Variants in TBC1D5 observed in about 807,000 individuals in gnomAD.
TBC1D5 encodes TBC1 domain family, member 5.
Under a neutral mutation model 100.3 loss-of-function variants are expected in TBC1D5, and 75 were observed. The ratio of observed to expected loss-of-function variants is 0.75; its 90% CI spans 0.62 to 0.91. TBC1D5 has a LOEUF of 0.91. Among genes scored for constraint, TBC1D5 ranks in the 40% least tolerant of loss-of-function variants. TBC1D5 has a pLI of 0.00. For synonymous variants in TBC1D5, 323 were observed against 325.6 expected (o/e 0.99, Z 0.09); for missense variants, 910 against 942.4 (o/e 0.97, Z 0.45).
chr3:17,408,806 T>C (rs905110834), intron 4 of TBC1D5, among the ~76,000 whole-genome samples: 2 of 152,098 alleles, frequency 1.3e-5, no homozygotes, highest in Non-Finnish European at 2.9e-5. Context: ...AGATCTAACA[T>C]TATTTTCTCT....
At chr3:17,508,297 G>A (rs1038019680) in intron 3 of TBC1D5, among the ~76,000 whole-genome samples, 177 bp downstream of exon 3, 4 of 152,194 alleles carry the variant, frequency 2.6e-5, no homozygotes, top group Non-Finnish European at 5.9e-5. Context: ...GTGGCTTGTT[G>A]AAGTATTCAT....
chr3:17,221,961 T>C (rs1222866146), intron 17 of TBC1D5, among the ~76,000 whole-genome samples: 1 of 152,248 alleles, frequency 6.6e-6, no homozygotes, highest in African/African-American at 2.4e-5. Flanking sequence ...TTCTTCTGTA[T>C]CTTCAGTTCT....
intron 1 of TBC1D5, among the ~76,000 whole-genome samples, chr3:17,716,358 AT>A (rs150085050): frequency 1.0e-4 from 15 of 148,594 alleles, no homozygotes; most frequent in East Asian, 2.0e-4. Flanking sequence ...TAAAACTGTC[AT>A]TTTTTTTTTG....
intron 1 of TBC1D5, among the ~76,000 whole-genome samples, chr3:17,630,960 T>TGTGAACCC (rs1283357684): frequency 7.0e-6 from 1 of 143,722 alleles, no homozygotes; most frequent in Non-Finnish European, 1.5e-5. Flanking sequence ...AGGAGAATGG[T>TGTGAACCC]GTGAACCCGG....
At chr3:17,547,828 T>C (rs913930785) in intron 2 of TBC1D5, among the ~76,000 whole-genome samples, 2 of 152,234 alleles carry the variant, frequency 1.3e-5, no homozygotes, top group African/African-American at 2.4e-5. Context: ...GAGACATCTA[T>C]GAAATCTCAA....
chr3:17,215,921 A>G (rs988352767), intron 17 of TBC1D5, among the ~76,000 whole-genome samples: 1 of 152,074 alleles, frequency 6.6e-6, no homozygotes, highest in Non-Finnish European at 1.5e-5. Context: ...CCCTGATCTC[A>G]AGACAATTTT....
intron 18 of TBC1D5, among the ~76,000 whole-genome samples, chr3:17,186,342 T>C (rs1004709819): frequency 6.6e-6 from 1 of 152,194 alleles, no homozygotes; most frequent in Non-Finnish European, 1.5e-5. Flanking sequence ...CATGCAGCAC[T>C]GCAAATTATT....
rs566200258 is a variant in TBC1D5 at position 17,254,584 on chromosome 3, G to A, written c.1331+3922C>T. Among the ~76,000 whole-genome samples, 23 of 151,686 alleles carry A rather than the reference G, an allele frequency of 1.5e-4. 1 individual carries two copies. Among genetic ancestry groups the A allele is most frequent in the South Asian group, 1.0e-3 (5 of 4,784 alleles). On this transcript the variant is annotated intron_variant, in intron 16 of 21. Transcript: ENST00000253692. The stretch of plus-strand genomic sequence containing the variant: ...ACATACAAAAATTCTTTATATATTC[G>A]GGATATATGTATTAAAAATATTACT...
At chr3:17,611,540 A>C (rs1266680449) in intron 2 of TBC1D5, among the ~76,000 whole-genome samples, 1 of 152,218 alleles carries the variant, frequency 6.6e-6, no homozygotes, top group Non-Finnish European at 1.5e-5. Context: ...ACTTAGATGA[A>C]GGCATGATCA....
At chr3:17,252,540 T>G (rs1268010680) in intron 16 of TBC1D5, among the ~76,000 whole-genome samples, 1 of 152,150 alleles carries the variant, frequency 6.6e-6, no homozygotes, top group African/African-American at 2.4e-5. Context: ...CTAGGAGGGT[T>G]TCCTGGGCAT....
intron 19 of TBC1D5, among the ~76,000 whole-genome samples, chr3:17,184,156 T>C (rs1233508992): frequency 3.3e-5 from 5 of 152,180 alleles, no homozygotes; most frequent in African/African-American, 1.2e-4. Flanking sequence ...GCATAAAGTA[T>C]CTCTAATGTG....
At chr3:17,725,964 G>T (rs796647827) in intron 1 of TBC1D5, among the ~76,000 whole-genome samples, 1 of 152,152 alleles carries the variant, frequency 6.6e-6, no homozygotes, top group Non-Finnish European at 1.5e-5. Flanking sequence ...AGAACATGCA[G>T]TATCTGGTTT....
intron 8 of TBC1D5, among the ~76,000 whole-genome samples, chr3:17,399,339 C>T (rs753921679): frequency 6.6e-6 from 1 of 151,964 alleles, no homozygotes; most frequent in East Asian, 1.9e-4. Context: ...AACAATTAAA[C>T]AAGTAAGTGA....
At chr3:17,346,674 T>C (rs1445845357) in intron 13 of TBC1D5, among the ~76,000 whole-genome samples, 1 of 152,166 alleles carries the variant, frequency 6.6e-6, no homozygotes, top group Non-Finnish European at 1.5e-5. Context: ...CATTAATATA[T>C]AGCTACATTT....
chr3:17,455,246 T>TTGTATATATGTATACATACATATATGTG, intron 3 of TBC1D5, among the ~76,000 whole-genome samples: 1 of 137,340 alleles, frequency 7.3e-6, no homozygotes, highest in Non-Finnish European at 1.5e-5. Context: ...ACATATATTA[T>TTGTATATATGTATACATACATATATGTG]TGTATATATG....
At chr3:17,174,822 G>A (rs1369856237) in intron 19 of TBC1D5, among the ~76,000 whole-genome samples, 2 of 152,132 alleles carry the variant, frequency 1.3e-5, no homozygotes, top group Non-Finnish European at 2.9e-5. Flanking sequence ...TCGAACTCCT[G>A]ACCTTGTGAT....
intron 1 of TBC1D5, among the ~76,000 whole-genome samples, chr3:17,650,903 C>T (rs999849320): frequency 1.2e-4 from 18 of 152,318 alleles, no homozygotes; most frequent in African/African-American, 4.1e-4. Context: ...ACTGAAGGAA[C>T]ATTCAGATTT....
chr3:17,467,586 G>T (rs554943450), intron 3 of TBC1D5, among the ~76,000 whole-genome samples: 8 of 152,082 alleles, frequency 5.3e-5, no homozygotes, highest in Admixed American at 3.9e-4. Context: ...ACAGAATGAT[G>T]AATAATTAGA....
chr3:17,694,811 T>G (rs988593305), intron 1 of TBC1D5, among the ~76,000 whole-genome samples: 3 of 151,984 alleles, frequency 2.0e-5, no homozygotes, highest in African/African-American at 7.3e-5. Context: ...TCACTAAGGT[T>G]GAAATGAAGG....
Sources: allele counts gnomAD v4.1 joint callset (sites outside exome capture counted in the v4.1 genomes callset), GRCh38; gene constraint gnomAD v4.1.1; transcripts MANE v1.5; gene names NCBI Gene and HGNC (gene_info 2026-07-23, HGNC 2026-07-21).